Variants in CCT5 observed in about 807,000 individuals in gnomAD.
CCT5 encodes the protein chaperonin containing TCP1 subunit 5, also known as T-complex protein 1 subunit epsilon.
In CCT5, 6 loss-of-function variants were observed where a neutral mutation model predicts 55.0. The ratio of observed to expected loss-of-function variants is 0.11; its 90% CI spans 0.06 to 0.22. The LOEUF is 0.22. Ranked by LOEUF, CCT5 falls within the 10% of genes least tolerant of loss-of-function variation. The probability of loss-of-function intolerance (pLI) is 1.00; values close to 1 mark genes in which losing one functional copy is unlikely to be tolerated. For missense variants in CCT5, 560 were observed against 694.6 expected (o/e 0.81, Z 2.18); for synonymous variants, 231 against 243.7 (o/e 0.95, Z 0.49).
intron 6 of CCT5, among the ~76,000 whole-genome samples, chr5:10,259,518 A>G (rs1377904926): frequency 6.6e-6 from 1 of 152,214 alleles, no homozygotes; most frequent in African/African-American, 2.4e-5. Context: ...TGAGACACAG[A>G]TAAGAGAAAG....
At chr5:10,264,623 T>C (rs1348780942) in intron 10 of CCT5, 33 bp from the exon 11 acceptor site, 1 of 1,358,838 alleles carries the variant, frequency 7.4e-7, no homozygotes, top group South Asian at 1.2e-5. Flanking sequence ...TTGTATGCTA[T>C]TTTAGGATAA....
At chr5:10,249,935 C>A (rs2607301), upstream of CCT5, 428,773 of 697,516 alleles carry the variant, frequency 0.61, 134,298 homozygotes, top group Admixed American at 0.67. Flanking sequence ...AAAAAAAAAA[C>A]CGGAAATGGG....
intron 6 of CCT5, among the ~76,000 whole-genome samples, chr5:10,260,558 TGG>T (rs1745909577): frequency 6.6e-6 from 1 of 152,154 alleles, no homozygotes; most frequent in Non-Finnish European, 1.5e-5. Flanking sequence ...TTACTGCTTG[TGG>T]TTTTTAAAGC....
intron 3 of CCT5, among the ~76,000 whole-genome samples, chr5:10,255,548 C>T (rs1317342999): frequency 6.7e-6 from 1 of 148,214 alleles, no homozygotes; most frequent in Non-Finnish European, 1.5e-5. Context: ...TTCATCTTTG[C>T]GACCCTAAAA....
chr5:10,261,331 C>T (rs113984337), intron 7 of CCT5: 45 of 582,368 alleles, frequency 7.7e-5, no homozygotes, highest in African/African-American at 1.5e-4. Context: ...GGACGGGCGC[C>T]GGGTGATAGA....
At chr5:10,263,027 C>A in intron 9 of CCT5, 107 bp from the exon 10 acceptor site, 1 of 916,784 alleles carries the variant, frequency 1.1e-6, no homozygotes, top group Non-Finnish European at 1.8e-6. Context: ...TCTTACAATT[C>A]TTTGTGAGCT....
At chr5:10,262,173 T>C in intron 8 of CCT5, 5 of 415,398 alleles carry the variant, frequency 1.2e-5, no homozygotes, top group Non-Finnish European at 1.8e-5. Context: ...CCCAAGTGAA[T>C]AACCATTGAC....
intron 1 of CCT5, among the ~76,000 whole-genome samples, chr5:10,252,391 T>A (rs1321442399): frequency 6.6e-6 from 1 of 152,218 alleles, no homozygotes; most frequent in Non-Finnish European, 1.5e-5. Flanking sequence ...GCCTTAAAGG[T>A]AATATGTATT....
chr5:10,250,438 C>T lies in CCT5; in HGVS notation c.98C>T (p.Ala33Val). ...AAGTCCCGTCTTATGGGACTTGAGGCCCTCAAGGTAATGGCACAGGGACCT... is the reference window on the plus strand; with the variant it reads ...AAGTCCCGTCTTATGGGACTTGAGGTCCTCAAGGTAATGGCACAGGGACCT... ...DRKSRLMGLE[A>V]LKSHIMAAKA... The change falls in exon 1 of 11, where the codon GCC (alanine) becomes GTC (valine). Residue 33 changes from alanine to valine, a missense_variant. Around this residue, in one of 4 missense-constraint regions of CCT5, gnomAD observed 137 missense variants for 181.9 expected, o/e 0.75. Coordinates refer to ENST00000280326, the MANE Select transcript of CCT5 (RefSeq NM_012073.5). 6.2e-7 allele frequency: 1 copy of T among 1,613,330 alleles called. No homozygotes were observed. Among genetic ancestry groups the T allele is most frequent in the Non-Finnish European group, 8.5e-7 (1 of 1,179,998 alleles).
chr5:10,255,984 G>C lies in CCT5; in HGVS notation c.361G>C (p.Glu121Gln). The change falls in exon 4 of 11, where the codon GAG (glutamate) becomes CAG (glutamine). Residue 121 changes from glutamate (E) to glutamine (Q), a missense_variant. Coordinates refer to ENST00000280326, the MANE Select transcript of CCT5 (RefSeq NM_012073.5). ...GGCTGGTGCCTTGTTAGAAGAAGCG[G>C]AGCAATTGCTAGACCGAGGCATTCA... ...VLAGALLEEAEQLLDRGIHPI... is the reference protein window; with the variant it reads ...VLAGALLEEAQQLLDRGIHPI... 2 of 1,614,158 alleles carry C rather than the reference G, an allele frequency of 1.2e-6. No individual in the cohort carries two copies. Among genetic ancestry groups the C allele is most frequent in the Non-Finnish European group, 1.7e-6 (2 of 1,180,014 alleles).
chr5:10,263,324 T>G lies in CCT5; in HGVS notation c.1498+10T>G. On this transcript the variant is annotated intron_variant, in intron 10 of 10. Coordinates refer to ENST00000280326, the MANE Select transcript of CCT5 (RefSeq NM_012073.5). ...CACAAGGGGACAAATGGTGAGGAGC[T>G]GTCACGCCTCTGCGTGGAGGGGGGG... 4.5e-6 allele frequency: 7 copies of G among 1,558,978 alleles called. No individual in the cohort carries two copies. The highest frequency in any genetic ancestry group is 6.1e-6 in the Non-Finnish European group (7 of 1,154,756).
At chr5:10,262,726 G>T in intron 9 of CCT5, 108 bp downstream of exon 9, 2 of 1,167,550 alleles carry the variant, frequency 1.7e-6, no homozygotes, top group Non-Finnish European at 2.6e-6. Context: ...ATCGTGAGCT[G>T]TGTGTAGGTG....
chr5:10,264,674 T>A lies in CCT5; in HGVS notation c.1517T>A (p.Val506Asp). 6.2e-7 allele frequency: 1 copy of A among 1,612,696 alleles called. No individual in the cohort carries two copies. Among genetic ancestry groups the A allele is most frequent in the Non-Finnish European group, 8.5e-7 (1 of 1,178,722 alleles). Residue 506 changes from valine to aspartate, a missense_variant, in exon 11 of 11, where the codon GTC becomes GAC. Coordinates refer to ENST00000280326, the MANE Select transcript of CCT5 (RefSeq NM_012073.5). The stretch of plus-strand genomic sequence containing the variant: ...TTTTCAGATATGAAGCAACAGCATG[T>A]CATAGAAACCTTGATTGGCAAAAAG... The part of the protein sequence containing the change: ...KGTNDMKQQH[V>D]IETLIGKKQQ...
At position 10,263,172 on chromosome 5, in the gene CCT5, C is replaced by T. The variant is rs373992745; in HGVS notation, c.1356C>T (p.Ala452=). 41 of 1,614,024 alleles carry T rather than the reference C, an allele frequency of 2.5e-5. No homozygotes were observed. The highest frequency in any genetic ancestry group is 5.3e-5 in the African/African-American group (4 of 74,908). The change falls in exon 10 of 11, where the codon GCC becomes GCT. Residue 452 remains alanine (A), a synonymous_variant. Transcript: ENST00000280326. ...TLEQYAMRAF[A]DALEVIPMAL... Reference sequence around the variant, plus strand: ...AACAGTATGCCATGAGAGCGTTTGCCGACGCACTGGAGGTCATCCCCATGG... The same window carrying T: ...AACAGTATGCCATGAGAGCGTTTGCTGACGCACTGGAGGTCATCCCCATGG...
intron 6 of CCT5, among the ~76,000 whole-genome samples, chr5:10,258,821 A>G (rs940940110): frequency 4.6e-5 from 7 of 152,210 alleles, no homozygotes; most frequent in African/African-American, 1.4e-4. Flanking sequence ...GTGAAACGCC[A>G]TTTCTACTAA....
intron 1 of CCT5, among the ~76,000 whole-genome samples, chr5:10,253,543 A>C (rs898144052): frequency 5.9e-5 from 9 of 152,176 alleles, no homozygotes; most frequent in African/African-American, 2.2e-4. Flanking sequence ...CTAGTACTGC[A>C]TCCAGCTCAA....
intron 4 of CCT5, among the ~76,000 whole-genome samples, chr5:10,257,400 A>G (rs1428867016): frequency 6.6e-6 from 1 of 152,224 alleles, no homozygotes; most frequent in African/African-American, 2.4e-5. Context: ...TTGTTGCTTT[A>G]TAAGTTGGCC....
chr5:10,249,923 A>C (rs773807102), upstream of CCT5: 40 of 1,303,554 alleles, frequency 3.1e-5, no homozygotes, highest in African/African-American at 2.4e-4. Flanking sequence ...AAAAAAAAAA[A>C]AAAAAAAAAA....
In CCT5 at chr5:10,263,127, T is replaced by A. The variant is rs1321931314; in HGVS notation, c.1318-7T>A. On this transcript the variant is annotated splice_polypyrimidine_tract_variant and splice_region_variant and intron_variant, in intron 9 of 10. Coordinates refer to ENST00000280326, the MANE Select transcript of CCT5 (RefSeq NM_012073.5). Reference sequence around the variant, plus strand: ...AGTGCACTCACCATACTTCTGTACCTTTCCAGTGCCCCACCTTAGAACAGT... The same window carrying A: ...AGTGCACTCACCATACTTCTGTACCATTCCAGTGCCCCACCTTAGAACAGT... 1.2e-6 allele frequency: 2 copies of A among 1,613,714 alleles called. No homozygotes were observed. Among genetic ancestry groups the A allele is most frequent in the Non-Finnish European group, 1.7e-6 (2 of 1,179,866 alleles).
Sources: gnomAD v4.1 joint callset for allele counts (sites outside exome capture counted in the v4.1 genomes callset) on GRCh38, gnomAD v4.1.1 for gene constraint, gnomAD v4.1.1 regional missense constraint, MANE v1.5 for transcripts, NCBI Gene and HGNC (gene_info 2026-07-23, HGNC 2026-07-21) for gene names.